AFF3: variants seen among roughly 807,000 people sequenced by gnomAD.
AFF3 encodes ALF transcription elongation factor 3, also known as AF4/FMR2 family member 3.
AFF3 carries 32 observed loss-of-function variants against 129.7 expected under a neutral mutation model. That is an observed-to-expected ratio of 0.25 (90% CI 0.19 to 0.33). The LOEUF (loss-of-function observed/expected upper bound fraction) is 0.33. Ranked by LOEUF, AFF3 falls within the 10% of genes least tolerant of loss-of-function variation. The pLI, the probability that AFF3 is intolerant of heterozygous loss-of-function variation, is 1.00. For missense variants in AFF3, 1,373 were observed against 1,592.0 expected (o/e 0.86, Z 2.34); for synonymous variants, 644 against 635.4 (o/e 1.01, Z -0.20).
intron 8 of AFF3, among the ~76,000 whole-genome samples, chr2:99,773,401 A>AT (rs887204603): frequency 7.9e-5 from 12 of 152,184 alleles, no homozygotes; most frequent in African/African-American, 2.2e-4. Context: ...AACTCATATA[A>AT]TTTTTTTTGT....
chr2:99,932,011 T>A (rs926068830), intron 7 of AFF3, among the ~76,000 whole-genome samples: 4 of 152,190 alleles, frequency 2.6e-5, no homozygotes, highest in Non-Finnish European at 5.9e-5. Context: ...AAACAAAATG[T>A]TAAATGGCAC....
At position 99,649,614 on chromosome 2, in the gene AFF3, G is replaced by T. The variant is rs1208782800; in HGVS notation, c.1184+12C>A. On this transcript the variant is annotated intron_variant, in intron 13 of 24. Transcript: ENST00000672756. ...AAAGCAATTTATAGTTCATAAAAAT[G>T]ACAAAATGTACCTGTCAGAGAGAGC... The T allele has an allele frequency of 6.2e-7, 1 of 1,613,388 alleles. No homozygotes were observed. The highest frequency in any genetic ancestry group is 1.1e-5 in the South Asian group (1 of 90,820).
At chr2:100,016,855 A>T (rs1683159581) in intron 4 of AFF3, among the ~76,000 whole-genome samples, 1 of 133,174 alleles carries the variant, frequency 7.5e-6, no homozygotes, top group East Asian at 2.4e-4. Context: ...GTGGTGATGA[A>T]GGTGGTGATC....
chr2:99,955,722 A>G (rs1676578452), intron 7 of AFF3, among the ~76,000 whole-genome samples: 1 of 152,174 alleles, frequency 6.6e-6, no homozygotes, highest in Non-Finnish European at 1.5e-5. Context: ...ATCAGGCCAA[A>G]TTTTTTATAC....
At chr2:99,982,612 A>G (rs1679509700) in intron 7 of AFF3, among the ~76,000 whole-genome samples, 1 of 152,184 alleles carries the variant, frequency 6.6e-6, no homozygotes, top group African/African-American at 2.4e-5. Context: ...TGAATTTCCA[A>G]GTTTCATTCT....
intron 7 of AFF3, among the ~76,000 whole-genome samples, chr2:99,993,792 C>CTTTTTTT (rs751882272): frequency 7.2e-4 from 52 of 72,552 alleles, no homozygotes; most frequent in East Asian, 3.2e-3. Context: ...AACACTTTAT[C>CTTTTTTT]TTTTTTTTTT....
chr2:99,973,249 T>A (rs1678568750), intron 7 of AFF3, among the ~76,000 whole-genome samples: 1 of 152,194 alleles, frequency 6.6e-6, no homozygotes, highest in Non-Finnish European at 1.5e-5. Flanking sequence ...CGCCTCCTTA[T>A]CAAGGCACAG....
chr2:99,653,205 A>C (rs1211351746), intron 12 of AFF3, among the ~76,000 whole-genome samples: 1 of 152,190 alleles, frequency 6.6e-6, no homozygotes, highest in African/African-American at 2.4e-5. Context: ...AATATACAAG[A>C]AGTATTTTTG....
chr2:99,833,070 G>A (rs1195138553), intron 8 of AFF3, among the ~76,000 whole-genome samples: 18 of 152,188 alleles, frequency 1.2e-4, no homozygotes, highest in Admixed American at 1.2e-3. Flanking sequence ...CCTTCCAGTA[G>A]GCAGAGAATG....
chr2:99,752,602 A>G (rs532606527), intron 8 of AFF3, among the ~76,000 whole-genome samples: 1 of 152,316 alleles, frequency 6.6e-6, no homozygotes, highest in East Asian at 1.9e-4. Context: ...TAGTAGCAAA[A>G]GTTCTATGGA....
In AFF3 at chr2:99,611,558, T is replaced by C. The variant is rs117854508; in HGVS notation, c.1185-9937A>G. Among the ~76,000 whole-genome samples, 215 of 152,198 alleles carry C rather than the reference T, an allele frequency of 1.4e-3. 8 individuals are homozygous for C. In the East Asian group the frequency reaches 0.038, roughly 27 times the overall value. On this transcript the variant is annotated intron_variant, in intron 13 of 24. Coordinates refer to ENST00000672756, the MANE Select transcript of AFF3 (RefSeq NM_001386135.1). ...TGATGGAGAGGGGGCCACAGTTTTT[T>C]TTCCCCCCACGGTGTTTGTCTGGAA...
intron 8 of AFF3, among the ~76,000 whole-genome samples, chr2:99,811,308 T>C (rs1686770536): frequency 6.6e-6 from 1 of 152,224 alleles, no homozygotes; most frequent in East Asian, 1.9e-4. Flanking sequence ...TGCAAAGCAC[T>C]TTGACATTCA....
At chr2:99,873,885 A>G (rs1295082708) in intron 7 of AFF3, among the ~76,000 whole-genome samples, 2 of 152,130 alleles carry the variant, frequency 1.3e-5, no homozygotes, top group Non-Finnish European at 2.9e-5. Context: ...CTTCTCTTTA[A>G]GAAGCTGGGC....
intron 7 of AFF3, among the ~76,000 whole-genome samples, chr2:99,930,917 A>G (rs1696629179): frequency 1.3e-5 from 2 of 152,176 alleles, no homozygotes; most frequent in African/African-American, 4.8e-5. Flanking sequence ...CACACTTACA[A>G]TGGCTCTCAC....
intron 4 of AFF3, among the ~76,000 whole-genome samples, chr2:100,063,524 G>T (rs1285299914): frequency 6.6e-6 from 1 of 151,968 alleles, no homozygotes; most frequent in Non-Finnish European, 1.5e-5. Context: ...ACAGCATTTA[G>T]TCAAAGCTAA....
intron 7 of AFF3, among the ~76,000 whole-genome samples, chr2:99,881,572 G>C (rs556711179): frequency 1.1e-4 from 17 of 151,998 alleles, no homozygotes; most frequent in Admixed American, 7.2e-4. Context: ...CAGTACTATG[G>C]GATTGGTGAT....
intron 4 of AFF3, among the ~76,000 whole-genome samples, chr2:100,022,123 G>A (rs1382623178): frequency 6.6e-6 from 1 of 152,266 alleles, no homozygotes; most frequent in Non-Finnish European, 1.5e-5. Flanking sequence ...CACTAAAGAC[G>A]ATTAATTCTA....
chr2:99,719,050 C>T (rs1169493772), intron 11 of AFF3, among the ~76,000 whole-genome samples: 35 of 108,128 alleles, frequency 3.2e-4, no homozygotes, highest in Middle Eastern at 5.7e-3. Flanking sequence ...CGCGCCCGGC[C>T]TTTTTTTTTT....
chr2:99,745,588 G>C (rs1036852084), intron 9 of AFF3, among the ~76,000 whole-genome samples: 1 of 152,026 alleles, frequency 6.6e-6, no homozygotes, highest in African/African-American at 2.4e-5. Context: ...ACTTTTCTTT[G>C]AATGAACCTT....
Sources: allele counts gnomAD v4.1 joint callset (sites outside exome capture counted in the v4.1 genomes callset), GRCh38; gene constraint gnomAD v4.1.1; transcripts MANE v1.5; gene names NCBI Gene and HGNC (gene_info 2026-07-23, HGNC 2026-07-21).